Variants in WNK2 observed in about 807,000 individuals in gnomAD.
WNK2 encodes WNK lysine deficient protein kinase 2.
WNK2 carries 67 observed loss-of-function variants against 192.1 expected under a neutral mutation model. The observed-to-expected ratio is 0.35, with a 90% CI of 0.29 to 0.43. The LOEUF (loss-of-function observed/expected upper bound fraction) is 0.43. Among genes scored for constraint, WNK2 ranks in the 20% least tolerant of loss-of-function variants. The pLI, the probability that WNK2 is intolerant of heterozygous loss-of-function variation, is 1.00. For missense variants in WNK2, 2,698 were observed against 3,089.7 expected, an observed-to-expected ratio of 0.87 and a Z score of 3.01; for synonymous variants, 1,439 against 1,393.9, an observed-to-expected ratio of 1.03 and a Z score of -0.72.
intron 2 of WNK2, among the ~76,000 whole-genome samples, chr9:93,203,605 C>T (rs1587848438): frequency 6.6e-6 from 1 of 152,242 alleles, no homozygotes; most frequent in East Asian, 1.9e-4. Context: ...GGTGACTTTG[C>T]AGATGGGATT....
intron 5 of WNK2, among the ~76,000 whole-genome samples, chr9:93,235,265 G>C (rs762271274): frequency 2.0e-4 from 30 of 152,200 alleles, no homozygotes; most frequent in Admixed American, 4.6e-4. Context: ...GGAGACTGAG[G>C]CTCAGAGAGG....
chr9:93,259,252 G>C lies in WNK2; in HGVS notation c.2704G>C (p.Ala902Pro). 1 of 1,613,384 alleles carries C rather than the reference G, an allele frequency of 6.2e-7. No individual in the cohort carries two copies. Among genetic ancestry groups the C allele is most frequent in the East Asian group, 2.2e-5 (1 of 44,856 alleles). The change falls in exon 12 of 30, where the codon GCC becomes CCC. Residue 902 changes from alanine to proline, a missense_variant. Transcript: ENST00000427277. The surrounding 1 kb of genome is among the most constrained non-coding windows in gnomAD (Gnocchi z 4.8). Reference protein sequence around the residue: ...PGVAALSIHSAVAQLPGQPVY... With the variant: ...PGVAALSIHSPVAQLPGQPVY... ...CGTGGCTGCCCTGTCCATTCATTCT[G>C]CCGTGGCCCAGCTCCCAGGCCAACC...
chr9:93,268,819 C>A, intron 19 of WNK2, 73 bp downstream of exon 19: 1 of 1,580,042 alleles, frequency 6.3e-7, no homozygotes. Context: ...ATGACCCAGC[C>A]GGTATGTGCC....
At chr9:93,249,353 G>A (rs12554664) in intron 8 of WNK2, among the ~76,000 whole-genome samples, 1,787 of 152,294 alleles carry the variant, frequency 0.012, 46 homozygotes, top group Admixed American at 0.054. Flanking sequence ...TGGAGACATC[G>A]ACTGACTGAT....
chr9:93,292,895 G>T lies in WNK2; in HGVS notation c.5430G>T (p.Gly1810=). The T allele has an allele frequency of 6.6e-7, 1 of 1,519,034 alleles. No homozygotes were observed. 94.1% of individuals were successfully genotyped at this position (1,519,034 alleles called of 1,614,324 possible). Residue 1810 remains glycine, a synonymous_variant, in exon 23 of 30, where the codon GGG becomes GGT. Coordinates refer to ENST00000427277, the MANE Select transcript of WNK2 (RefSeq NM_006648.4). ...GVGEPVSSDS[G]DEGPRARPPV... is the part of the protein sequence containing the mutation. ...GCGAGCCCGTGTCCAGCGACTCTGGGGACGAGGGCCCTCGGGCGAGACCCC... is the reference window on the plus strand; with the variant it reads ...GCGAGCCCGTGTCCAGCGACTCTGGTGACGAGGGCCCTCGGGCGAGACCCC...
intron 11 of WNK2, among the ~76,000 whole-genome samples, chr9:93,258,710 A>G (rs558794273): frequency 6.6e-6 from 1 of 151,976 alleles, no homozygotes; most frequent in African/African-American, 2.4e-5. Flanking sequence ...TTCCTTTTCT[A>G]TTTGAAGAGC....
At position 93,288,902 on chromosome 9, in the gene WNK2, C is replaced by T. The variant is rs1179951688; in HGVS notation, c.4148C>T (p.Pro1383Leu). ...AACCCTCCTGGGGCACCCCCAGCCC[C>T]TTTGGCCCCCTCCTCCCCTCCTGTG... is the stretch of plus-strand genomic sequence containing the variant. ...PSNPPGAPPA[P>L]LAPSSPPVTA... The change falls in exon 20 of 30, where the codon CCT becomes CTT. Residue 1383 changes from proline to leucine, a missense_variant. By Grantham distance (98) the Pro-to-Leu change is moderately conservative. This residue lies in a region of WNK2 where 1,098 missense variants were observed against 1,101.0 expected (regional missense o/e 1.00). Transcript: ENST00000427277. 4 of 1,608,134 alleles carry T rather than the reference C, an allele frequency of 2.5e-6. No homozygotes were observed. The highest frequency in any genetic ancestry group is 3.4e-6 in the Non-Finnish European group (4 of 1,177,842).
At chr9:93,312,075 A>G (rs1853763043) in intron 28 of WNK2, among the ~76,000 whole-genome samples, 1 of 152,088 alleles carries the variant, frequency 6.6e-6, no homozygotes, top group Admixed American at 6.5e-5. Flanking sequence ...TTGAAGAAGT[A>G]TTTATTGAAG....
At chr9:93,197,979 A>G (rs1483555935) in intron 2 of WNK2, among the ~76,000 whole-genome samples, 1 of 152,106 alleles carries the variant, frequency 6.6e-6, no homozygotes, top group Non-Finnish European at 1.5e-5. Context: ...GTGGGGCACC[A>G]CTGTATACTC....
chr9:93,184,848 G>T, intron 1 of WNK2, 80 bp from the exon 2 acceptor site: 1 of 1,166,148 alleles, frequency 8.6e-7, no homozygotes, highest in Non-Finnish European at 1.1e-6. Flanking sequence ...CGGGCTTAGG[G>T]CGGCGTTGTC....
At position 93,289,621 on chromosome 9, in the gene WNK2, G is replaced by A; in HGVS notation, c.4866+1G>A. The stretch of plus-strand genomic sequence containing the variant: ...GCGTGTCCAGCTGCCCCAGCCCTTG[G>A]TGAGTAGCTGCCTTGTCCCAGAGAC... On this transcript the variant is annotated splice_donor_variant, in intron 20 of 29. Coordinates refer to ENST00000427277, the MANE Select transcript of WNK2 (RefSeq NM_006648.4). LOFTEE classifies it high-confidence loss of function. 1 of 1,464,016 alleles carries A rather than the reference G, an allele frequency of 6.8e-7. No homozygotes were observed. The allele number at this position is 1,464,016 out of a possible 1,614,324, so 90.7% of individuals were successfully genotyped here. A position where few individuals can be genotyped will look rare whatever the true frequency, so the allele number is the denominator to read the frequency against.
chr9:93,201,824 A>C (rs779673924), intron 2 of WNK2, among the ~76,000 whole-genome samples: 1 of 152,180 alleles, frequency 6.6e-6, no homozygotes, highest in Non-Finnish European at 1.5e-5. Context: ...CTGTTCCCCG[A>C]GGGGAGCGAG....
chr9:93,220,095 T>C (rs1157296328), intron 2 of WNK2, among the ~76,000 whole-genome samples: 3 of 152,184 alleles, frequency 2.0e-5, no homozygotes, highest in Non-Finnish European at 4.4e-5. Flanking sequence ...TGAATGAGCA[T>C]AGGTCCTGTC....
At chr9:93,288,532 A>G (rs141286081) in intron 19 of WNK2, among the ~76,000 whole-genome samples, 1 of 152,210 alleles carries the variant, frequency 6.6e-6, no homozygotes, top group African/African-American at 2.4e-5. Flanking sequence ...TGGTTCAGCC[A>G]CAAGGGACAC....
intron 19 of WNK2, among the ~76,000 whole-genome samples, chr9:93,282,126 A>C (rs1251245623): frequency 1.3e-5 from 2 of 152,342 alleles, no homozygotes; most frequent in East Asian, 3.9e-4. Flanking sequence ...AATGTTTGGC[A>C]TGTTAAAATG....
At chr9:93,255,905 C>T (rs908276556) in intron 9 of WNK2, among the ~76,000 whole-genome samples, 3 of 152,182 alleles carry the variant, frequency 2.0e-5, no homozygotes, top group African/African-American at 4.8e-5. Flanking sequence ...GTTCCAGGGC[C>T]CGTTTCTCTC....
chr9:93,185,470 G>A lies in WNK2; in HGVS notation c.541G>A (p.Asp181Asn). The A allele has an allele frequency of 6.2e-7, 1 of 1,612,760 alleles. No homozygotes were observed. The highest frequency in any genetic ancestry group is 8.5e-7 in the Non-Finnish European group (1 of 1,179,760). Residue 181 changes from aspartate to asparagine, a missense_variant, in exon 2 of 30, where the codon GAC becomes AAC. Coordinates refer to ENST00000427277, the MANE Select transcript of WNK2 (RefSeq NM_006648.4). ...GCCCGAAGAGGAGGAGGACGACGAG[G>A]ACGACCTCAAGGCCGTGGCCACCTC... ...DEPEEEEDDE[D>N]DLKAVATSLD...
chr9:93,281,354 A>C lies in WNK2; in HGVS notation c.4034-7434A>C, dbSNP rs567159911. 1.3e-4 allele frequency among the ~76,000 whole-genome samples: 16 copies of C among 124,020 alleles called. No homozygotes were observed. In the South Asian group the frequency reaches 5.3e-3, roughly 41 times the overall value. The allele number at this position is 124,020 out of a possible 152,430, so 81.4% of individuals were successfully genotyped here. On this transcript the variant is annotated intron_variant, in intron 19 of 29. Coordinates refer to ENST00000427277, the MANE Select transcript of WNK2 (RefSeq NM_006648.4). ...AAATGACTAGATTGAAATTTTTGTC[A>C]AAGAATTAGAAACTATGCCAAAAAA...
chr9:93,261,837 C>A lies in WNK2; in HGVS notation c.3090C>A (p.Pro1030=), dbSNP rs1414805653. Residue 1030 remains proline, a synonymous_variant, in exon 13 of 30, where the codon CCC becomes CCA. Transcript: ENST00000427277. ...AGATTCTGCTTGGCCACCCAGCTCCCTATGCTGTGGACGTCGCCGCTCAGG... is the reference window on the plus strand; with the variant it reads ...AGATTCTGCTTGGCCACCCAGCTCCATATGCTGTGGACGTCGCCGCTCAGG... The part of the protein sequence containing the change: ...GSQILLGHPA[P]YAVDVAAQVP... 6.3e-7 allele frequency: 1 copy of A among 1,596,826 alleles called. No homozygotes were observed. Among genetic ancestry groups the A allele is most frequent in the South Asian group, 1.1e-5 (1 of 90,946 alleles).
Sources: allele counts gnomAD v4.1 joint callset (sites outside exome capture counted in the v4.1 genomes callset), GRCh38; gene constraint gnomAD v4.1.1; regional missense constraint gnomAD v4.1.1; non-coding constraint Gnocchi (gnomAD v3.1); transcripts MANE v1.5; gene names NCBI Gene and HGNC (gene_info 2026-07-23, HGNC 2026-07-21).